The following COL19A1 variants were observed in gnomAD, a reference collection of about 807,000 sequenced individuals.
COL19A1 encodes collagen alpha-1(XIX) chain.
COL19A1 carries 159 observed loss-of-function variants against 190.2 expected under a neutral mutation model. The ratio of observed to expected loss-of-function variants is 0.84; its 90% confidence interval spans 0.73 to 0.95. The LOEUF (loss-of-function observed/expected upper bound fraction) is 0.95, where lower values mean the gene tolerates loss of function less well. COL19A1 is among the 40% of genes least tolerant of loss of function. The probability of loss-of-function intolerance (pLI) is 0.00; values close to 1 mark genes in which losing one functional copy is unlikely to be tolerated. For missense variants in COL19A1, 1,418 were observed against 1,431.9 expected (o/e 0.99, Z 0.16); for synonymous variants, 509 against 458.9 (o/e 1.11, Z -1.39).
intron 4 of COL19A1, among the ~76,000 whole-genome samples, chr6:69,922,847 A>G (rs1772080780): frequency 6.6e-6 from 1 of 152,016 alleles, no homozygotes; most frequent in South Asian, 2.1e-4. Context: ...TCTGTCTTTC[A>G]TTTGCTGGAT....
chr6:70,167,961 TA>T, intron 37 of COL19A1, 63 bp from the exon 38 acceptor site: 2 of 1,213,388 alleles, frequency 1.6e-6, no homozygotes, highest in Non-Finnish European at 2.3e-6. Flanking sequence ...GGTAAAATGA[TA>T]AAATGTAGAG....
chr6:70,184,991 T>A, intron 46 of COL19A1, 76 bp downstream of exon 46: 2 of 1,417,854 alleles, frequency 1.4e-6, no homozygotes, highest in South Asian at 2.5e-5. Context: ...TACACAATTA[T>A]GTGTGTAGAC....
chr6:69,997,921 G>A (rs1310517573), intron 11 of COL19A1, among the ~76,000 whole-genome samples: 1 of 152,000 alleles, frequency 6.6e-6, no homozygotes, highest in Admixed American at 6.6e-5. Context: ...ACCACGTTTA[G>A]ACACATCATA....
chr6:70,053,543 A>T (rs1455764861), intron 14 of COL19A1, among the ~76,000 whole-genome samples: 2 of 152,200 alleles, frequency 1.3e-5, no homozygotes, highest in African/African-American at 2.4e-5. Flanking sequence ...AGTTACACTG[A>T]CACAACCTTA....
At chr6:69,907,556 A>G (rs909869881) in intron 4 of COL19A1, among the ~76,000 whole-genome samples, 4 of 152,230 alleles carry the variant, frequency 2.6e-5, no homozygotes, top group African/African-American at 9.6e-5. Context: ...ATCTTGATAT[A>G]TACTACTAAT....
chr6:70,113,062 GGATGCTAGC>G (rs1332523562), intron 16 of COL19A1, among the ~76,000 whole-genome samples: 1 of 152,112 alleles, frequency 6.6e-6, no homozygotes, highest in Non-Finnish European at 1.5e-5. Flanking sequence ...TGTGAACCAG[GGATGCTAGC>G]GATATCTTAG....
intron 5 of COL19A1, 85 bp downstream of exon 5, chr6:69,928,117 G>A (rs1231848848): frequency 4.6e-6 from 7 of 1,537,934 alleles, no homozygotes; most frequent in African/African-American, 2.7e-5. Flanking sequence ...ACAAATTTGC[G>A]AGTAGATCTA....
intron 12 of COL19A1, among the ~76,000 whole-genome samples, chr6:70,032,538 G>A (rs1005990029): frequency 6.6e-6 from 1 of 152,026 alleles, no homozygotes; most frequent in Non-Finnish European, 1.5e-5. Context: ...GGGAACAGGA[G>A]AAAATACTTT....
intron 48 of COL19A1, among the ~76,000 whole-genome samples, chr6:70,195,136 G>GATATATATATATATATATATATAT (rs202055762): frequency 3.7e-5 from 5 of 136,030 alleles, no homozygotes; most frequent in Non-Finnish European, 6.4e-5. Flanking sequence ...CATCATTGAT[G>GATATATATATATATATATATATAT]ATATATATAT....
chr6:69,995,579 G>C (rs1477609026), intron 11 of COL19A1, among the ~76,000 whole-genome samples: 1 of 151,286 alleles, frequency 6.6e-6, no homozygotes, highest in Non-Finnish European at 1.5e-5. Context: ...TCAAAGCAAA[G>C]ACTATGTCTT....
intron 4 of COL19A1, among the ~76,000 whole-genome samples, chr6:69,923,253 G>A (rs2150004777): frequency 6.6e-6 from 1 of 152,164 alleles, no homozygotes; most frequent in South Asian, 2.1e-4. Flanking sequence ...AGACTAGCAG[G>A]CTTTATGGCA....
chr6:69,883,956 T>TA (rs3838677), intron 2 of COL19A1, among the ~76,000 whole-genome samples: 4 of 151,100 alleles, frequency 2.6e-5, no homozygotes, highest in East Asian at 1.9e-4. Flanking sequence ...GGAATAATAA[T>TA]AAAAAAAAAG....
At chr6:70,170,907 T>C (rs1370732864) in intron 40 of COL19A1, among the ~76,000 whole-genome samples, 3 of 152,190 alleles carry the variant, frequency 2.0e-5, no homozygotes, top group Non-Finnish European at 4.4e-5. Context: ...GAGAACACAA[T>C]TTGAAAGCTC....
intron 17 of COL19A1, among the ~76,000 whole-genome samples, chr6:70,122,208 C>T (rs369055933): frequency 1.3e-5 from 2 of 152,106 alleles, no homozygotes; most frequent in East Asian, 1.9e-4. Context: ...TTGTGTTCCA[C>T]CATCAATAAT....
intron 34 of COL19A1, among the ~76,000 whole-genome samples, chr6:70,159,436 A>C (rs1353549492): frequency 3.3e-5 from 5 of 152,004 alleles, no homozygotes; most frequent in Non-Finnish European, 5.9e-5. Flanking sequence ...ACACACACAC[A>C]CACACAGCAC....
chr6:70,170,376 C>T (rs1765425510), intron 40 of COL19A1, among the ~76,000 whole-genome samples: 1 of 152,190 alleles, frequency 6.6e-6, no homozygotes, highest in Admixed American at 6.5e-5. Flanking sequence ...TGGAAATTTA[C>T]TCTTCCAACA....
chr6:70,169,256 T>G (rs1765357533), intron 40 of COL19A1, among the ~76,000 whole-genome samples: 1 of 152,192 alleles, frequency 6.6e-6, no homozygotes, highest in African/African-American at 2.4e-5. Flanking sequence ...TTCTGAACCA[T>G]GGAGCCTCTG....
intron 11 of COL19A1, among the ~76,000 whole-genome samples, chr6:69,970,111 G>A (rs1414758497): frequency 6.6e-6 from 1 of 151,996 alleles, no homozygotes; most frequent in Non-Finnish European, 1.5e-5. Context: ...ATTGCCTAGG[G>A]TGTAAATATA....
chr6:69,958,115 T>G (rs1347702350), intron 9 of COL19A1, among the ~76,000 whole-genome samples: 1 of 152,108 alleles, frequency 6.6e-6, no homozygotes, highest in Non-Finnish European at 1.5e-5. Context: ...TAACAGTGCA[T>G]CTGGGTGTAA....
Sources: gnomAD v4.1 joint callset for allele counts (sites outside exome capture counted in the v4.1 genomes callset) on GRCh38, gnomAD v4.1.1 for gene constraint, MANE v1.5 for transcripts, NCBI Gene and HGNC (gene_info 2026-07-23, HGNC 2026-07-21) for gene names.